The following SLC12A8 variants were observed in gnomAD, a reference collection of about 807,000 sequenced individuals.
The protein encoded by SLC12A8 is solute carrier family 12 member 8.
In SLC12A8, 69 loss-of-function variants were observed where a neutral mutation model predicts 75.6. The observed-to-expected ratio is 0.91, with a 90% confidence interval of 0.75 to 1.11. The LOEUF (loss-of-function observed/expected upper bound fraction) is 1.11, where lower values mean the gene tolerates loss of function less well. Ranked by LOEUF, SLC12A8 falls within the 50% of genes most tolerant of loss-of-function variation. The pLI is 0.00. For synonymous variants in SLC12A8, 365 were observed against 372.8 expected (o/e 0.98, Z 0.24); for missense variants, 877 against 896.7 (o/e 0.98, Z 0.28).
chr3:125,175,753 C>CA (rs1424094357), intron 5 of SLC12A8, among the ~76,000 whole-genome samples: 2 of 36,352 alleles, frequency 5.5e-5, no homozygotes, highest in Admixed American at 4.2e-4. Context: ...GGTACATGGC[C>CA]AGGAAAAAAA....
At chr3:125,182,649 G>C (rs1204142326) in intron 4 of SLC12A8, among the ~76,000 whole-genome samples, 1 of 148,186 alleles carries the variant, frequency 6.7e-6, no homozygotes, top group African/African-American at 2.5e-5. Context: ...CGGGACTACA[G>C]GTGTGCATCA....
chr3:125,156,105 C>G (rs1055113547), intron 5 of SLC12A8, among the ~76,000 whole-genome samples: 1 of 152,190 alleles, frequency 6.6e-6, no homozygotes, highest in Non-Finnish European at 1.5e-5. Context: ...CATGCTCTCA[C>G]GGGGCATGTG....
At chr3:125,119,997 G>C in intron 7 of SLC12A8, 1 of 430,324 alleles carries the variant, frequency 2.3e-6, no homozygotes, top group South Asian at 1.7e-5. Flanking sequence ...CCAGAGGCCT[G>C]ACGGCCTGGG....
intron 5 of SLC12A8, among the ~76,000 whole-genome samples, chr3:125,172,928 C>G (rs1223368038): frequency 6.6e-6 from 1 of 152,168 alleles, no homozygotes; most frequent in Non-Finnish European, 1.5e-5. Context: ...CCTGTAATCA[C>G]AGCACTTTGG....
intron 4 of SLC12A8, 121 bp from the exon 5 acceptor site, chr3:125,178,095 A>G (rs1934579797): frequency 1.2e-6 from 1 of 805,660 alleles, no homozygotes; most frequent in Admixed American, 2.1e-5. Flanking sequence ...ACCAAGGCAC[A>G]GTGCCTGGGA....
intron 8 of SLC12A8, among the ~76,000 whole-genome samples, chr3:125,117,158 T>C (rs1939333607): frequency 6.6e-6 from 1 of 152,176 alleles, no homozygotes; most frequent in Admixed American, 6.5e-5. Context: ...AAAAGAAACC[T>C]GTGCTAATGT....
intron 7 of SLC12A8, among the ~76,000 whole-genome samples, chr3:125,119,425 A>C (rs1169401711): frequency 2.0e-5 from 3 of 152,234 alleles, no homozygotes; most frequent in Non-Finnish European, 4.4e-5. Flanking sequence ...GGGAAACTAA[A>C]GTCAAAAGGC....
chr3:125,108,447 C>G (rs143298361), intron 9 of SLC12A8, among the ~76,000 whole-genome samples: 1 of 152,102 alleles, frequency 6.6e-6, no homozygotes, highest in East Asian at 1.9e-4. Flanking sequence ...CAGCTCATTG[C>G]AACCTCCGCC....
chr3:125,112,554 A>G (rs1939213364), intron 8 of SLC12A8, among the ~76,000 whole-genome samples: 2 of 152,172 alleles, frequency 1.3e-5, no homozygotes. Context: ...TCAACAGCTG[A>G]ATTCATGCAG....
At chr3:125,192,407 T>C (rs1050298767) in intron 2 of SLC12A8, among the ~76,000 whole-genome samples, 2 of 152,172 alleles carry the variant, frequency 1.3e-5, no homozygotes, top group Non-Finnish European at 2.9e-5. Flanking sequence ...TTACTTGCCC[T>C]TTTTGCCCCT....
chr3:125,161,448 T>G (rs1934165409), intron 5 of SLC12A8, among the ~76,000 whole-genome samples: 3 of 152,222 alleles, frequency 2.0e-5, no homozygotes. Context: ...TATGTTTGGT[T>G]TTGTGACTGT....
chr3:125,133,096 G>C (rs751558331), intron 6 of SLC12A8, among the ~76,000 whole-genome samples: 1 of 152,084 alleles, frequency 6.6e-6, no homozygotes, highest in Non-Finnish European at 1.5e-5. Context: ...AGTTGAGTAG[G>C]GGATACAAGA....
intron 3 of SLC12A8, 64 bp from the exon 4 acceptor site, chr3:125,187,492 G>GC: frequency 1.3e-6 from 2 of 1,496,790 alleles, no homozygotes; most frequent in Non-Finnish European, 1.8e-6. Context: ...CTCCCTGCTG[G>GC]GGGCATTGAC....
chr3:125,135,893 G>GACA lies in SLC12A8; in HGVS notation c.623-112_623-111insTGT, dbSNP rs1285460056. The GACA allele has an allele frequency of 2.4e-5, 14 of 591,308 alleles. No individual in the cohort carries two copies. In the East Asian group the frequency reaches 3.5e-4, roughly 15 times the overall value. The allele number at this position is 591,308 out of a possible 1,614,324, so 36.6% of individuals were successfully genotyped here. On this transcript the variant is annotated intron_variant, in intron 5 of 13. Coordinates refer to ENST00000469902, the MANE Select transcript of SLC12A8 (RefSeq NM_024628.6). ...CGCTTTAAATATTGGAAAGGTAGGG[G>GACA]CATGTATGTGACACACAGCGACAGA...
intron 4 of SLC12A8, among the ~76,000 whole-genome samples, chr3:125,186,604 C>G (rs1691285656): frequency 6.6e-6 from 1 of 152,242 alleles, no homozygotes; most frequent in African/African-American, 2.4e-5. Context: ...TTTGTTCCCT[C>G]AGCATTAAGT....
At chr3:125,129,875 C>G (rs1194117419) in intron 6 of SLC12A8, among the ~76,000 whole-genome samples, 1 of 152,220 alleles carries the variant, frequency 6.6e-6, no homozygotes, top group African/African-American at 2.4e-5. Flanking sequence ...AAAACAGAGA[C>G]AGAGACACGG....
chr3:125,106,826 T>A (rs566624538), intron 10 of SLC12A8, among the ~76,000 whole-genome samples: 54 of 152,172 alleles, frequency 3.5e-4, no homozygotes, highest in Non-Finnish European at 6.5e-4. Context: ...GTCAGAGTCT[T>A]CTCTGTGACC....
chr3:125,198,586 T>A (rs1935051998), intron 2 of SLC12A8, among the ~76,000 whole-genome samples: 1 of 149,520 alleles, frequency 6.7e-6, no homozygotes. Context: ...TGAGCCGAGA[T>A]CTCACCACTG....
In SLC12A8 at chr3:125,110,169, A is replaced by G. The variant is rs762610268; in HGVS notation, c.1059+20T>C. 5.6e-6 allele frequency: 9 copies of G among 1,599,310 alleles called. No individual in the cohort carries two copies. In the Admixed American group the frequency reaches 1.5e-4, roughly 27 times the overall value. On this transcript the variant is annotated intron_variant, in intron 9 of 13. Transcript: ENST00000469902. ...CAAAACATGTTTCAAAAAACAAACC[A>G]AAAAAAGAGGATTACTCACCCCTTG... is the stretch of plus-strand genomic sequence containing the variant.
Sources: gnomAD v4.1 joint callset for allele counts (sites outside exome capture counted in the v4.1 genomes callset) on GRCh38, gnomAD v4.1.1 for gene constraint, MANE v1.5 for transcripts, NCBI Gene and HGNC (gene_info 2026-07-23, HGNC 2026-07-21) for gene names.